Variants in FER1L5 observed in about 807,000 individuals in gnomAD.
FER1L5 encodes the protein fer-1 like family member 5.
A neutral mutation model predicts 279.9 loss-of-function variants in FER1L5; 187 were observed. The ratio of observed to expected loss-of-function variants is 0.67; its 90% CI spans 0.59 to 0.75. The LOEUF (loss-of-function observed/expected upper bound fraction) is 0.75, where lower values mean the gene tolerates loss of function less well. Ranked by LOEUF, FER1L5 falls within the 30% of genes least tolerant of loss-of-function variation. The pLI, the probability that FER1L5 is intolerant of heterozygous loss-of-function variation, is 0.00. For synonymous variants in FER1L5, 921 were observed against 989.7 expected (o/e 0.93, Z 1.30); for missense variants, 2,091 against 2,594.4 (o/e 0.81, Z 4.21).
intron 8 of FER1L5, 45 bp downstream of exon 8, chr2:96,653,747 A>T: frequency 7.0e-7 from 1 of 1,427,248 alleles, no homozygotes; most frequent in Non-Finnish European, 9.7e-7. Flanking sequence ...TTCTTGTCCC[A>T]CTTCAATACT....
rs1395220595 is a variant in FER1L5, at chr2:96,693,200, G to A, written c.3293-306G>A. Among the ~76,000 whole-genome samples, 6 of 150,450 alleles carry A rather than the reference G, an allele frequency of 4.0e-5. No homozygotes were observed. In the East Asian group the frequency reaches 7.8e-4, roughly 20 times the overall value. Reference sequence around the variant, plus strand: ...AAAAAAAAAAGAGAAAAAAAAAAAAGGGCAGTCACAAGTGGCCTCGTCCCT... The same window carrying A: ...AAAAAAAAAAGAGAAAAAAAAAAAAAGGCAGTCACAAGTGGCCTCGTCCCT... On this transcript the variant is annotated intron_variant, in intron 31 of 52. Transcript: ENST00000624922.
At chr2:96,699,357 C>T (rs1195219933) in intron 42 of FER1L5, among the ~76,000 whole-genome samples, 193 bp from the exon 43 acceptor site, 1 of 152,190 alleles carries the variant, frequency 6.6e-6, no homozygotes, top group East Asian at 1.9e-4. Flanking sequence ...CAGAGCCCCA[C>T]ACCAGGCCTA....
intron 52 of FER1L5, 25 bp downstream of exon 52, chr2:96,704,387 G>C (rs750329867): frequency 1.2e-6 from 2 of 1,613,196 alleles, no homozygotes; most frequent in East Asian, 4.5e-5. Flanking sequence ...TGGGGGCAAG[G>C]ACAAAGGTGG....
intron 19 of FER1L5, among the ~76,000 whole-genome samples, chr2:96,674,546 T>A (rs1000422617): frequency 2.6e-5 from 4 of 152,210 alleles, no homozygotes; most frequent in Admixed American, 2.6e-4. Flanking sequence ...TGATTGTAGA[T>A]GTTCCTATTC....
intron 26 of FER1L5, 34 bp from the exon 27 acceptor site, chr2:96,690,453 G>A: frequency 6.5e-7 from 1 of 1,542,108 alleles, no homozygotes; most frequent in Non-Finnish European, 8.8e-7. Context: ...CCCAGCTCAT[G>A]TGCCCCTCGC....
intron 19 of FER1L5, among the ~76,000 whole-genome samples, chr2:96,674,934 A>G (rs1451913684): frequency 6.6e-6 from 1 of 152,186 alleles, no homozygotes; most frequent in Non-Finnish European, 1.5e-5. Flanking sequence ...CCTTCACCCA[A>G]CAAGTAACCA....
intron 15 of FER1L5, 32 bp from the exon 16 acceptor site, chr2:96,668,854 G>A: frequency 6.4e-7 from 1 of 1,551,452 alleles, no homozygotes; most frequent in East Asian, 2.4e-5. Context: ...GCTGGGCCGG[G>A]GGCTCAGCCT....
intron 24 of FER1L5, among the ~76,000 whole-genome samples, chr2:96,688,352 C>T (rs1472128578): frequency 6.6e-6 from 1 of 152,184 alleles, no homozygotes; most frequent in African/African-American, 2.4e-5. Flanking sequence ...CCATCACCAA[C>T]AGGGCAGCCC....
In FER1L5 at chr2:96,684,364, G is replaced by C. The variant is rs1477173787; in HGVS notation, c.1707G>C (p.Lys569Asn). ...IYHYVPWYNT[K>N]PVVAVTSNWE... ...ATTATGTGCCCTGGTACAACACCAA[G>C]CCTGTCGTGGCCGTGACCTCCAACT... The change falls in exon 20 of 53, where the codon AAG becomes AAC. Residue 569 changes from lysine to asparagine, a missense_variant. Lys to Asn is a moderately conservative substitution (Grantham distance 94, BLOSUM62 0). Coordinates refer to ENST00000624922, the MANE Select transcript of FER1L5 (RefSeq NM_001293083.2). The C allele has an allele frequency of 6.4e-7, 1 of 1,551,572 alleles. No individual in the cohort carries two copies. The highest frequency in any genetic ancestry group is 1.4e-5 in the African/African-American group (1 of 73,036).
chr2:96,660,845 C>T (rs2075927566), intron 10 of FER1L5, among the ~76,000 whole-genome samples: 1 of 152,236 alleles, frequency 6.6e-6, no homozygotes, highest in African/African-American at 2.4e-5. Flanking sequence ...TGAGCCACCA[C>T]ACCTGGCCTA....
chr2:96,698,573 CCTCT>C lies in FER1L5; in HGVS notation c.4357-92_4357-89del. On this transcript the variant is annotated intron_variant, in intron 40 of 52. Coordinates refer to ENST00000624922, the MANE Select transcript of FER1L5 (RefSeq NM_001293083.2). This position sits in a 1 kb window ranked among gnomAD's most constrained non-coding sequence, Gnocchi z 5.5. ...CTATCCCTGCCACCCTCAGCCCAAC[CCTCT>C]CTCTCCTGAACATGGGCTGGGGCAC... 1 of 1,056,436 alleles carries C rather than the reference CCTCT, an allele frequency of 9.5e-7. No homozygotes were observed. The highest frequency in any genetic ancestry group is 1.4e-6 in the Non-Finnish European group (1 of 724,546). 65.4% of individuals were successfully genotyped at this position (1,056,436 alleles called of 1,614,324 possible).
At chr2:96,679,228 GT>G (rs764195563) in intron 19 of FER1L5, among the ~76,000 whole-genome samples, 194 of 143,544 alleles carry the variant, frequency 1.4e-3, no homozygotes, top group Middle Eastern at 3.7e-3. Context: ...CACACCTATA[GT>G]TTTTTTTTTT....
Position 96,703,060 on chromosome 2 carries a change from C to G in FER1L5, c.5480C>G (p.Ser1827Cys). 6.2e-7 allele frequency: 1 copy of G among 1,613,612 alleles called. No individual in the cohort carries two copies. Among genetic ancestry groups the G allele is most frequent in the Non-Finnish European group, 8.5e-7 (1 of 1,179,764 alleles). Residue 1827 changes from serine (S) to cysteine (C), a missense_variant, in exon 49 of 53, where the codon TCC becomes TGC. Transcript: ENST00000624922. ...IIQVWDNDIF[S>C]PDDFLGVLEL... ...CAGGTCTGGGACAATGACATCTTCT[C>G]CCCCGACGACTTCCTAGGTGAGGTC...
intron 21 of FER1L5, 112 bp downstream of exon 21, chr2:96,685,541 C>A: frequency 1.1e-6 from 1 of 899,968 alleles, no homozygotes. Context: ...CGGGGAGGAG[C>A]ACTGCTCAGA....
At position 96,700,086 on chromosome 2, in the gene FER1L5, C is replaced by A; in HGVS notation, c.4930+6C>A. 6.2e-7 allele frequency: 1 copy of A among 1,613,586 alleles called. No homozygotes were observed. The highest frequency in any genetic ancestry group is 1.1e-5 in the South Asian group (1 of 91,048). On this transcript the variant is annotated splice_donor_region_variant and intron_variant, in intron 44 of 52. Transcript: ENST00000624922. ...GTTCAAGCTGCAAAGCTTTGGTGAG[C>A]AGCGCAGAACACTAGCAGAAAGCAC...
rs2076917801 is a variant in FER1L5 at position 96,686,177 on chromosome 2, A to G, written c.2074-18A>G. ...GGGAGCCAGCCGCGCAGGGCCTGAC[A>G]TTCTCCCACCTCGGCAGCCCCAGAT... On this transcript the variant is annotated intron_variant, in intron 22 of 52. Coordinates refer to ENST00000624922, the MANE Select transcript of FER1L5 (RefSeq NM_001293083.2). 4 of 1,549,320 alleles carry G rather than the reference A, an allele frequency of 2.6e-6. No individual in the cohort carries two copies. The highest frequency in any genetic ancestry group is 1.4e-5 in the African/African-American group (1 of 73,160).
chr2:96,697,442 C>G (rs1049877595), intron 37 of FER1L5, 84 bp from the exon 38 acceptor site: 19 of 1,488,872 alleles, frequency 1.3e-5, no homozygotes, highest in Non-Finnish European at 1.7e-5. Flanking sequence ...CAGGGAAGCT[C>G]TGGCCTCAAC....
intron 12 of FER1L5, among the ~76,000 whole-genome samples, chr2:96,662,003 A>G (rs2075972492): frequency 6.6e-6 from 1 of 152,138 alleles, no homozygotes; most frequent in Non-Finnish European, 1.5e-5. Flanking sequence ...CCTGTCTATG[A>G]TGGCCAGATG....
At chr2:96,674,513 C>T (rs1029115105) in intron 19 of FER1L5, among the ~76,000 whole-genome samples, 3 of 152,230 alleles carry the variant, frequency 2.0e-5, no homozygotes, top group Middle Eastern at 3.4e-3. Context: ...CGTGAGCCAC[C>T]GCACCCGGGC....
Sources: gnomAD v4.1 joint callset for allele counts (sites outside exome capture counted in the v4.1 genomes callset) on GRCh38, gnomAD v4.1.1 for gene constraint, Gnocchi (gnomAD v3.1) non-coding constraint, MANE v1.5 for transcripts, NCBI Gene and HGNC (gene_info 2026-07-23, HGNC 2026-07-21) for gene names.